The following DAAM1 variants were observed in gnomAD, a reference collection of about 807,000 sequenced individuals.
DAAM1 encodes the protein disheveled-associated activator of morphogenesis 1.
A neutral mutation model predicts 130.0 loss-of-function variants in DAAM1; 52 were observed. That is an observed-to-expected ratio of 0.40 (90% CI 0.32 to 0.50). DAAM1 has a LOEUF of 0.50. DAAM1 is among the 20% of genes least tolerant of loss of function. The pLI is 0.61. For synonymous variants in DAAM1, 452 were observed against 444.5 expected (o/e 1.02, Z -0.21); for missense variants, 1,134 against 1,303.8 (o/e 0.87, Z 2.01).
chr14:59,348,279 C>T (rs529027294), intron 17 of DAAM1, among the ~76,000 whole-genome samples: 1 of 152,340 alleles, frequency 6.6e-6, no homozygotes, highest in African/African-American at 2.4e-5. Flanking sequence ...TTTTTATTAT[C>T]CATGACCAAG....
intron 3 of DAAM1, among the ~76,000 whole-genome samples, chr14:59,294,228 AG>A (rs1883863898): frequency 6.6e-6 from 1 of 152,250 alleles, no homozygotes; most frequent in Non-Finnish European, 1.5e-5. Context: ...ACCTACAGAC[AG>A]GGCCAAGCTT....
chr14:59,361,163 C>A (rs1286776180), intron 22 of DAAM1, among the ~76,000 whole-genome samples: 1 of 152,268 alleles, frequency 6.6e-6, no homozygotes, highest in East Asian at 1.9e-4. Flanking sequence ...GCTAGATGAT[C>A]TTCAGGGACG....
At chr14:59,227,824 A>T (rs1888988034) in intron 1 of DAAM1, among the ~76,000 whole-genome samples, 1 of 152,226 alleles carries the variant, frequency 6.6e-6, no homozygotes, top group Non-Finnish European at 1.5e-5. Flanking sequence ...TAGAGCACCC[A>T]TAGGGGCACC....
intron 3 of DAAM1, among the ~76,000 whole-genome samples, chr14:59,301,568 G>C (rs1884173885): frequency 6.6e-6 from 1 of 152,094 alleles, no homozygotes; most frequent in Non-Finnish European, 1.5e-5. Context: ...AAGTTCCTCT[G>C]AGGCATTTGC....
chr14:59,275,687 A>G (rs986824403), intron 2 of DAAM1, among the ~76,000 whole-genome samples: 4 of 152,244 alleles, frequency 2.6e-5, no homozygotes, highest in Non-Finnish European at 5.9e-5. Flanking sequence ...TGTCTAGCCA[A>G]CTGAATATAG....
chr14:59,237,458 A>C (rs932463429), intron 1 of DAAM1, among the ~76,000 whole-genome samples: 1 of 152,200 alleles, frequency 6.6e-6, no homozygotes, highest in Non-Finnish European at 1.5e-5. Context: ...AAGCTAAACA[A>C]TATAGGATTG....
At chr14:59,262,652 TAGTGTGTGTGTGTG>T (rs1374903449) in intron 1 of DAAM1, among the ~76,000 whole-genome samples, 3 of 116,476 alleles carry the variant, frequency 2.6e-5, no homozygotes, top group African/African-American at 6.8e-5. Flanking sequence ...AATATTCTAT[TAGTGTGTGTGTGTG>T]TGTGTGTGTG....
rs1886330090 is a variant in DAAM1, at chr14:59,352,611, G to A, written c.2246G>A (p.Arg749Lys). The A allele has an allele frequency of 6.2e-7, 1 of 1,613,042 alleles. No individual in the cohort carries two copies. The highest frequency in any genetic ancestry group is 8.5e-7 in the Non-Finnish European group (1 of 1,179,588). Reference protein sequence around the residue: ...HELDRMAKADRFLFEMSRINH... With the variant: ...HELDRMAKADKFLFEMSRINH... ...CTGGATCGGATGGCCAAGGCTGATAGGTTCCTTTTTGAGATGAGCCGGTGA... is the reference window on the plus strand; with the variant it reads ...CTGGATCGGATGGCCAAGGCTGATAAGTTCCTTTTTGAGATGAGCCGGTGA... The change falls in exon 18 of 25, where the codon AGG (arginine) becomes AAG (lysine). Residue 749 changes from arginine to lysine, a missense_variant. This residue lies in a region of DAAM1 where 644 missense variants were observed against 695.9 expected (regional missense o/e 0.93). Transcript: ENST00000360909.
At position 59,369,000 on chromosome 14, in the gene DAAM1, AATGTAT is replaced by A. The variant is rs1282248610; in HGVS notation, c.*142_*147del. The A allele has an allele frequency of 1.5e-6, 1 of 684,518 alleles. No homozygotes were observed. The highest frequency in any genetic ancestry group is 2.4e-6 in the Non-Finnish European group (1 of 410,802). The allele number at this position is 684,518 out of a possible 1,614,324, so 42.4% of individuals were successfully genotyped here. A position where few individuals can be genotyped will look rare whatever the true frequency, so the allele number is the denominator to read the frequency against. On this transcript the variant is annotated 3_prime_UTR_variant, in exon 25 of 25. Coordinates refer to ENST00000360909, the MANE Select transcript of DAAM1 (RefSeq NM_001270520.2). ...GTGAATGTGTGAACGTGTGTATGTA[AATGTAT>A]GTGTGTATATATTAAAAAATGTATA...
At chr14:59,358,190 A>C (rs1317480489) in intron 20 of DAAM1, among the ~76,000 whole-genome samples, 1 of 152,222 alleles carries the variant, frequency 6.6e-6, no homozygotes, top group Non-Finnish European at 1.5e-5. Context: ...CAATTAAATG[A>C]ATCTCTGGGG....
chr14:59,353,896 G>C lies in DAAM1; in HGVS notation c.2288G>C (p.Arg763Thr). Residue 763 changes from arginine (R) to threonine (T), a missense_variant, in exon 19 of 25, where the codon AGG (arginine) becomes ACG (threonine). Around this residue, in one of 3 missense-constraint regions of DAAM1, gnomAD observed 644 missense variants for 695.9 expected, o/e 0.93. Transcript: ENST00000360909. ...TACAGAATTAATCACTATCAGCAAA[G>C]GTTGCAATCGCTGTACTTCAAAAAG... ...EMSRINHYQQ[R>T]LQSLYFKKKF... The C allele has an allele frequency of 6.2e-7, 1 of 1,614,024 alleles. No individual in the cohort carries two copies. Among genetic ancestry groups the C allele is most frequent in the Non-Finnish European group, 8.5e-7 (1 of 1,179,964 alleles).
chr14:59,203,137 A>G (rs552261748), intron 1 of DAAM1, among the ~76,000 whole-genome samples: 102 of 144,460 alleles, frequency 7.1e-4, no homozygotes, highest in South Asian at 2.2e-3. Context: ...GACTACAGGC[A>G]CCCGCCACCA....
intron 3 of DAAM1, among the ~76,000 whole-genome samples, chr14:59,306,310 C>T (rs1015451553): frequency 6.6e-6 from 1 of 152,096 alleles, no homozygotes; most frequent in African/African-American, 2.4e-5. Context: ...TCATGTATTC[C>T]AACACCCAGA....
At chr14:59,320,908 C>G (rs967313696) in intron 5 of DAAM1, among the ~76,000 whole-genome samples, 3 of 152,104 alleles carry the variant, frequency 2.0e-5, no homozygotes, top group Admixed American at 6.5e-5. Context: ...TTAACAGTTT[C>G]TCAGAATGTT....
Position 59,369,057 on chromosome 14 carries a change from C to T in DAAM1, c.*198C>T, listed in dbSNP as rs953516213. The stretch of plus-strand genomic sequence containing the variant: ...TAGATGTCTGAGTGTTGTCTGGAGA[C>T]CTATACGTATGGTTAAAAAGATTTA... On this transcript the variant is annotated 3_prime_UTR_variant, in exon 25 of 25. Coordinates refer to ENST00000360909, the MANE Select transcript of DAAM1 (RefSeq NM_001270520.2). 7 of 549,704 alleles carry T rather than the reference C, an allele frequency of 1.3e-5. No homozygotes were observed. The African/African-American group carries it at 1.3e-4, about 10-fold the overall frequency. 34.1% of individuals were successfully genotyped at this position (549,704 alleles called of 1,614,324 possible). A position where few individuals can be genotyped will look rare whatever the true frequency, so the allele number is the denominator to read the frequency against.
chr14:59,347,787 T>C (rs1886140079), intron 17 of DAAM1, among the ~76,000 whole-genome samples, 164 bp downstream of exon 17: 3 of 152,202 alleles, frequency 2.0e-5, no homozygotes, highest in Admixed American at 2.0e-4. Context: ...TTAATGACCT[T>C]ATTCTCTCAT....
chr14:59,205,672 A>G (rs1026612288), intron 1 of DAAM1, among the ~76,000 whole-genome samples: 3 of 152,204 alleles, frequency 2.0e-5, no homozygotes. Flanking sequence ...ATGATGTACT[A>G]TATTTAAAAT....
intron 1 of DAAM1, among the ~76,000 whole-genome samples, chr14:59,242,780 G>A (rs1218061045): frequency 2.6e-5 from 4 of 152,050 alleles, no homozygotes; most frequent in South Asian, 2.1e-4. Flanking sequence ...GGATGGTCTC[G>A]ATCTCTTGAC....
chr14:59,329,786 T>C (rs1885348377), intron 12 of DAAM1, among the ~76,000 whole-genome samples: 1 of 152,242 alleles, frequency 6.6e-6, no homozygotes, highest in Non-Finnish European at 1.5e-5. Context: ...TCAGTAAAAC[T>C]ACAGCTAAGA....
Sources: gnomAD v4.1 joint callset for allele counts (sites outside exome capture counted in the v4.1 genomes callset) on GRCh38, gnomAD v4.1.1 for gene constraint, gnomAD v4.1.1 regional missense constraint, MANE v1.5 for transcripts, NCBI Gene and HGNC (gene_info 2026-07-23, HGNC 2026-07-21) for gene names.